BMPER: variants seen among roughly 807,000 people sequenced by gnomAD.
BMPER encodes the protein BMP binding endothelial regulator.
BMPER carries 45 observed loss-of-function variants against 87.3 expected under a neutral mutation model. The observed-to-expected ratio is 0.52, with a 90% CI of 0.41 to 0.66. The LOEUF is 0.66. BMPER is among the 30% of genes least tolerant of loss of function. The probability of loss-of-function intolerance (pLI) is 0.00; values close to 1 mark genes in which losing one functional copy is unlikely to be tolerated. For missense variants in BMPER, 784 were observed against 867.5 expected (o/e 0.90, Z 1.21); for synonymous variants, 326 against 316.2 (o/e 1.03, Z -0.33).
chr7:33,905,870 T>C, intron 1 of BMPER, 124 bp downstream of exon 1: 1 of 1,329,776 alleles, frequency 7.5e-7, no homozygotes, highest in Non-Finnish European at 1.0e-6. Context: ...TGCCCTGCGC[T>C]GGTCGATGGG....
chr7:33,983,639 C>A (rs1451073006), intron 6 of BMPER, among the ~76,000 whole-genome samples: 2 of 152,118 alleles, frequency 1.3e-5, no homozygotes, highest in Admixed American at 6.6e-5. Context: ...TGCCTAAAGT[C>A]AAAAAACTAG....
At chr7:34,029,050 A>C (rs1490495766) in intron 6 of BMPER, among the ~76,000 whole-genome samples, 1 of 152,080 alleles carries the variant, frequency 6.6e-6, no homozygotes, top group African/African-American at 2.4e-5. Flanking sequence ...TGAAAAATGA[A>C]AAGTACATGC....
chr7:33,926,881 G>T (rs1025278158), intron 2 of BMPER, among the ~76,000 whole-genome samples: 1 of 152,188 alleles, frequency 6.6e-6, no homozygotes, highest in Non-Finnish European at 1.5e-5. Context: ...CTCTGTAGTT[G>T]GTACCAACGT....
At chr7:33,997,368 G>A (rs1055661737) in intron 6 of BMPER, among the ~76,000 whole-genome samples, 6 of 152,156 alleles carry the variant, frequency 3.9e-5, no homozygotes, top group African/African-American at 7.2e-5. Context: ...ATCCCCATGT[G>A]TTGAGGGAGG....
intron 13 of BMPER, among the ~76,000 whole-genome samples, chr7:34,126,477 A>C (rs1790405298): frequency 6.6e-6 from 1 of 152,166 alleles, no homozygotes; most frequent in Non-Finnish European, 1.5e-5. Flanking sequence ...CTATGTAGGG[A>C]AGAAAAGTTC....
intron 3 of BMPER, among the ~76,000 whole-genome samples, chr7:33,948,746 C>A (rs1784948746): frequency 6.6e-6 from 1 of 152,184 alleles, no homozygotes; most frequent in South Asian, 2.1e-4. Context: ...GCCTTCCCAG[C>A]CATGCCTTCT....
intron 13 of BMPER, among the ~76,000 whole-genome samples, chr7:34,125,381 A>T (rs187623088): frequency 2.5e-4 from 38 of 151,970 alleles, no homozygotes; most frequent in Admixed American, 1.2e-3. Context: ...CCCATTTCCA[A>T]CTCAGTTGAT....
At chr7:34,018,847 GA>G (rs1001531643) in intron 6 of BMPER, among the ~76,000 whole-genome samples, 8 of 151,882 alleles carry the variant, frequency 5.3e-5, no homozygotes, top group African/African-American at 1.9e-4. Context: ...AAAAATAAAA[GA>G]AAAAAAGTGT....
intron 11 of BMPER, among the ~76,000 whole-genome samples, chr7:34,063,720 A>G (rs966914841): frequency 3.9e-5 from 6 of 152,202 alleles, no homozygotes; most frequent in African/African-American, 1.4e-4. Context: ...CCCTGAGGAA[A>G]CTTTGTTTAT....
chr7:34,143,424 G>GGAGACTTGTGGATGCTGACATGAGTGGCC (rs1430407170), intron 14 of BMPER, 64 bp downstream of exon 14: 13 of 1,601,944 alleles, frequency 8.1e-6, no homozygotes, highest in African/African-American at 1.3e-5. Flanking sequence ...TGGCAATGGA[G>GGAGACTTGTGGATGCTGACATGAGTGGCC]GAGACTTGTG....
chr7:34,140,092 A>C (rs565224644), intron 13 of BMPER, among the ~76,000 whole-genome samples: 1 of 152,342 alleles, frequency 6.6e-6, no homozygotes, highest in African/African-American at 2.4e-5. Context: ...CTAGGTTTGC[A>C]GTTCTGGATC....
intron 13 of BMPER, among the ~76,000 whole-genome samples, chr7:34,121,496 T>G (rs1361454227): frequency 6.6e-6 from 1 of 152,372 alleles, no homozygotes; most frequent in East Asian, 1.9e-4. Flanking sequence ...TGAGTTTTAG[T>G]CTTCCACTCT....
At chr7:34,056,300 C>T (rs371837096) in intron 9 of BMPER, among the ~76,000 whole-genome samples, 15 of 152,208 alleles carry the variant, frequency 9.9e-5, no homozygotes, top group African/African-American at 3.6e-4. Flanking sequence ...GGCTTAATAA[C>T]TAGGTGATGG....
intron 6 of BMPER, among the ~76,000 whole-genome samples, chr7:33,981,182 T>C (rs1471475999): frequency 2.0e-5 from 3 of 152,196 alleles, no homozygotes; most frequent in Non-Finnish European, 4.4e-5. Context: ...ACCTCACCTG[T>C]GAGCTCATTA....
At chr7:33,905,249 C>T (rs1172685119), upstream of BMPER, 3 of 342,644 alleles carry the variant, frequency 8.8e-6, no homozygotes, top group Non-Finnish European at 1.1e-5. Context: ...CAGTCGGCAG[C>T]GCCGCAGCTC....
chr7:33,937,536 GTA>G (rs59695815), intron 3 of BMPER, 148 bp downstream of exon 3: 18 of 681,788 alleles, frequency 2.6e-5, no homozygotes, highest in Admixed American at 1.8e-4. Context: ...GTGTGTGTGT[GTA>G]TGTGTGTGTT....
rs60936107 is a variant in BMPER, at chr7:33,956,039, C to CA, written c.320-10429dup. 4.2e-3 allele frequency among the ~76,000 whole-genome samples: 591 copies of CA among 140,340 alleles called. 1 individual carries two copies. The highest frequency in any genetic ancestry group is 8.4e-3 in the African/African-American group (327 of 38,914). 92.1% of individuals were successfully genotyped at this position (140,340 alleles called of 152,430 possible). ...AGACAAACAAACAAACAAAAAACCA[C>CA]AAAAAAAAAAACACCTCACCTAAAC... On this transcript the variant is annotated intron_variant, in intron 3 of 14. Coordinates refer to ENST00000649409, the MANE Select transcript of BMPER (RefSeq NM_001365308.1).
At chr7:34,011,221 A>C (rs1786865462) in intron 6 of BMPER, among the ~76,000 whole-genome samples, 1 of 151,818 alleles carries the variant, frequency 6.6e-6, no homozygotes, top group Non-Finnish European at 1.5e-5. Context: ...TAATCATCTG[A>C]GGATATTGTG....
At chr7:34,095,040 T>C (rs1355880606) in intron 13 of BMPER, among the ~76,000 whole-genome samples, 1 of 152,170 alleles carries the variant, frequency 6.6e-6, no homozygotes, top group Non-Finnish European at 1.5e-5. Context: ...AAAATAAAAA[T>C]AAACACAAAC....
Sources: gnomAD v4.1 joint callset for allele counts (sites outside exome capture counted in the v4.1 genomes callset) on GRCh38, gnomAD v4.1.1 for gene constraint, MANE v1.5 for transcripts, NCBI Gene and HGNC (gene_info 2026-07-23, HGNC 2026-07-21) for gene names.